PSD3: variants seen among roughly 807,000 people sequenced by gnomAD.
PSD3 encodes pleckstrin and Sec7 domain containing 3, also known as PH and SEC7 domain-containing protein 3.
In PSD3, 49 loss-of-function variants were observed where a neutral mutation model predicts 105.5. The observed-to-expected ratio is 0.46, with a 90% CI of 0.37 to 0.59. The LOEUF (loss-of-function observed/expected upper bound fraction) is 0.59, where lower values mean the gene tolerates loss of function less well. Among genes scored for constraint, PSD3 ranks in the 20% least tolerant of loss-of-function variants. The probability of loss-of-function intolerance (pLI) is 0.00; values close to 1 mark genes in which losing one functional copy is unlikely to be tolerated. For synonymous variants in PSD3, 557 were observed against 457.8 expected (o/e 1.22, Z -2.77); for missense variants, 1,561 against 1,263.8 (o/e 1.24, Z -3.57).
At chr8:19,034,749 T>G (rs554974273) in intron 1 of PSD3, among the ~76,000 whole-genome samples, 1 of 152,270 alleles carries the variant, frequency 6.6e-6, no homozygotes, top group African/African-American at 2.4e-5. Context: ...CACATCACGC[T>G]GAATCACACT....
intron 2 of PSD3, among the ~76,000 whole-genome samples, chr8:18,912,988 G>C (rs1191500601): frequency 6.7e-6 from 1 of 150,368 alleles, no homozygotes; most frequent in Non-Finnish European, 1.5e-5. Flanking sequence ...CTTAAGAAAC[G>C]GCCACCATCT....
Position 18,556,363 on chromosome 8 carries a change from T to A in PSD3, c.2785-11A>T. 2 of 1,607,090 alleles carry A rather than the reference T, an allele frequency of 1.2e-6. No individual in the cohort carries two copies. On this transcript the variant is annotated splice_polypyrimidine_tract_variant and intron_variant, in intron 14 of 15. Transcript: ENST00000327040. Reference sequence around the variant, plus strand: ...CTTCAGTTGCTCCTCCTGCAGGAAATCATGATGCCATTTAGCGTTCAAAAA... The same window carrying A: ...CTTCAGTTGCTCCTCCTGCAGGAAAACATGATGCCATTTAGCGTTCAAAAA...
chr8:18,945,744 G>A (rs1177710780), intron 1 of PSD3, among the ~76,000 whole-genome samples: 1 of 152,222 alleles, frequency 6.6e-6, no homozygotes, highest in African/African-American at 2.4e-5. Flanking sequence ...GGGAGGCCCA[G>A]GTGGGCGGAT....
At chr8:18,993,859 T>TCA (rs1825929619) in intron 1 of PSD3, among the ~76,000 whole-genome samples, 6 of 151,442 alleles carry the variant, frequency 4.0e-5, no homozygotes, top group Non-Finnish European at 8.9e-5. Context: ...AATTTGATTA[T>TCA]ATCAAACAAT....
At chr8:18,678,995 CTCCTTCAACTTAGGAATAACAAA>C (rs1563165663) in intron 9 of PSD3, among the ~76,000 whole-genome samples, 2 of 115,262 alleles carry the variant, frequency 1.7e-5, no homozygotes, top group Admixed American at 1.6e-4. Context: ...TAAAAATGTA[CTCCTTCAACTTAGGAATAACAAA>C]AATATGTAAA....
chr8:18,904,705 T>G (rs1481176045), intron 2 of PSD3, among the ~76,000 whole-genome samples: 2 of 152,248 alleles, frequency 1.3e-5, no homozygotes, highest in Non-Finnish European at 2.9e-5. Context: ...TCAGCAAATT[T>G]TTTTCTGTAA....
intron 1 of PSD3, among the ~76,000 whole-genome samples, chr8:19,053,831 A>G (rs1335824837): frequency 6.6e-6 from 1 of 152,232 alleles, no homozygotes. Context: ...CTGTATACCT[A>G]GAAAAGTGCC....
intron 11 of PSD3, among the ~76,000 whole-genome samples, chr8:18,618,888 G>A (rs1414682369): frequency 6.6e-6 from 1 of 151,932 alleles, no homozygotes; most frequent in East Asian, 1.9e-4. Flanking sequence ...GTCTTAATAT[G>A]TTGCTCAGGC....
At chr8:18,983,616 G>T (rs73666775) in intron 1 of PSD3, among the ~76,000 whole-genome samples, 1 of 152,090 alleles carries the variant, frequency 6.6e-6, no homozygotes, top group Non-Finnish European at 1.5e-5. Flanking sequence ...AGGACCAGTC[G>T]TGGAGCAGCC....
At chr8:18,995,680 G>A (rs779697715) in intron 1 of PSD3, among the ~76,000 whole-genome samples, 2 of 152,032 alleles carry the variant, frequency 1.3e-5, no homozygotes, top group African/African-American at 2.4e-5. Context: ...AGCTTGACTA[G>A]GAAGGCCTCA....
chr8:18,685,618 T>A (rs892984903), intron 9 of PSD3, among the ~76,000 whole-genome samples: 1 of 152,188 alleles, frequency 6.6e-6, no homozygotes, highest in Non-Finnish European at 1.5e-5. Context: ...AAACTGAAGC[T>A]ACCAAATAAC....
chr8:19,021,651 C>T (rs973879231), intron 1 of PSD3, among the ~76,000 whole-genome samples: 37 of 151,642 alleles, frequency 2.4e-4, no homozygotes, highest in South Asian at 4.2e-4. Flanking sequence ...TGAATAAGTT[C>T]CATTCCTGGT....
intron 9 of PSD3, among the ~76,000 whole-genome samples, chr8:18,732,211 T>C (rs1391601771): frequency 2.0e-5 from 3 of 149,832 alleles, no homozygotes; most frequent in Admixed American, 6.6e-5. Context: ...AAGCAAGAAA[T>C]AGCGACTGAA....
In PSD3 at chr8:18,781,309, G is replaced by A. The variant is rs999998063; in HGVS notation, c.2083-15771C>T. Among the ~76,000 whole-genome samples the A allele has an allele frequency of 2.0e-5, 3 of 152,278 alleles. No individual in the cohort carries two copies. The South Asian group carries it at 6.2e-4, about 32-fold the overall frequency. ...AGCAGTTATCCTACACAGCCCTTCT[G>A]ATGCATGCATATCCTTTTTCTATGG... On this transcript the variant is annotated intron_variant, in intron 8 of 15. Coordinates refer to ENST00000327040, the MANE Select transcript of PSD3 (RefSeq NM_015310.4).
chr8:18,876,913 C>T (rs1009152634), intron 2 of PSD3, among the ~76,000 whole-genome samples: 1 of 152,168 alleles, frequency 6.6e-6, no homozygotes. Context: ...TTCTCATTTG[C>T]ATTTCCCTAA....
At chr8:19,066,423 C>T (rs547028525) in intron 1 of PSD3, among the ~76,000 whole-genome samples, 18 of 152,312 alleles carry the variant, frequency 1.2e-4, no homozygotes, top group African/African-American at 4.3e-4. Flanking sequence ...TTCACCAACA[C>T]ACTACTATCT....
intron 9 of PSD3, among the ~76,000 whole-genome samples, chr8:18,708,448 A>AT (rs1396145876): frequency 6.0e-5 from 9 of 150,466 alleles, no homozygotes; most frequent in South Asian, 2.1e-4. Flanking sequence ...AAATTAGAAA[A>AT]TTTTTTTTTT....
intron 1 of PSD3, among the ~76,000 whole-genome samples, chr8:18,967,810 G>A (rs1353157185): frequency 6.6e-6 from 1 of 152,156 alleles, no homozygotes; most frequent in African/African-American, 2.4e-5. Flanking sequence ...ATACACACAG[G>A]TTATCAGGAA....
chr8:18,973,268 A>G (rs1824753258), intron 1 of PSD3, among the ~76,000 whole-genome samples: 1 of 152,236 alleles, frequency 6.6e-6, no homozygotes, highest in East Asian at 1.9e-4. Context: ...ATGACATAAG[A>G]AAAGAAAAGG....
Sources: gnomAD v4.1 joint callset for allele counts (sites outside exome capture counted in the v4.1 genomes callset) on GRCh38, gnomAD v4.1.1 for gene constraint, MANE v1.5 for transcripts, NCBI Gene and HGNC (gene_info 2026-07-23, HGNC 2026-07-21) for gene names.